The following CEACAM4 variants were observed in gnomAD, a reference collection of about 807,000 sequenced individuals.
CEACAM4 encodes CEA cell adhesion molecule 4.
Under a neutral mutation model 28.7 loss-of-function variants are expected in CEACAM4, and 30 were observed. The ratio of observed to expected loss-of-function variants is 1.05; its 90% CI spans 0.78 to 1.42. CEACAM4 has a LOEUF of 1.42. Among genes scored for constraint, CEACAM4 ranks in the 40% most tolerant of loss-of-function variants. CEACAM4 has a pLI of 0.00. For missense variants in CEACAM4, 330 were observed against 308.2 expected (o/e 1.07, Z -0.53); for synonymous variants, 143 against 126.5 (o/e 1.13, Z -0.87).
In CEACAM4 at chr19:41,620,262, T is replaced by C; in HGVS notation, c.596-20A>G. The C allele has an allele frequency of 1.4e-6, 2 of 1,447,776 alleles. No homozygotes were observed. The highest frequency in any genetic ancestry group is 1.5e-5 in the South Asian group (1 of 64,618). The allele number at this position is 1,447,776 out of a possible 1,614,324, so 89.7% of individuals were successfully genotyped here. A position where few individuals can be genotyped will look rare whatever the true frequency, so the allele number is the denominator to read the frequency against. On this transcript the variant is annotated intron_variant, in intron 4 of 6. Transcript: ENST00000221954. ...CATGGCCTGGGGACAGAGACAGGAGTGAGCAGCAGGGTGGGAGGAGAGCCT... is the reference window on the plus strand; with the variant it reads ...CATGGCCTGGGGACAGAGACAGGAGCGAGCAGCAGGGTGGGAGGAGAGCCT...
At chr19:41,619,471 C>G in intron 6 of CEACAM4, 76 bp from the exon 7 acceptor site, 1 of 1,589,102 alleles carries the variant, frequency 6.3e-7, no homozygotes, top group Non-Finnish European at 8.6e-7. Flanking sequence ...GGCTCTGGGC[C>G]CACCCAGGGC....
rs553718518 is a variant in CEACAM4, at chr19:41,619,794, G to T, written c.628-83C>A. ...GCCTGGAAGGTTCCTGTCTCTGATC[G>T]GCCAGGACTTACTTCCCTGCCTCCA... On this transcript the variant is annotated intron_variant, in intron 5 of 6. Transcript: ENST00000221954. 3.4e-6 allele frequency: 4 copies of T among 1,178,600 alleles called. No homozygotes were observed. In the East Asian group the frequency reaches 8.1e-5, roughly 24 times the overall value. 73.0% of individuals were successfully genotyped at this position (1,178,600 alleles called of 1,614,324 possible).
chr19:41,625,911 A>G lies in CEACAM4; in HGVS notation c.114T>C (p.Ile38=), dbSNP rs2071616938. 6 of 1,613,824 alleles carry G rather than the reference A, an allele frequency of 3.7e-6. No homozygotes were observed. The highest frequency in any genetic ancestry group is 5.1e-6 in the Non-Finnish European group (6 of 1,179,832). ...WHPPTTVQFT[I]EALPSSAAEG... is the part of the protein sequence containing the mutation. ...CTGCAGCACTGGACGGCAGGGCTTC[A>G]ATAGTGAACTGGACAGTGGTGGGCG... The change falls in exon 2 of 7, where the codon ATT becomes ATC. Residue 38 remains isoleucine, a synonymous_variant. Coordinates refer to ENST00000221954, the MANE Select transcript of CEACAM4 (RefSeq NM_001817.4).
intron 2 of CEACAM4, among the ~76,000 whole-genome samples, chr19:41,623,146 A>G (rs1486326526): frequency 1.3e-5 from 2 of 152,152 alleles, no homozygotes; most frequent in African/African-American, 2.4e-5. Context: ...CCTTCCGAGT[A>G]TCTAGGATTA....
At chr19:41,619,869 C>G (rs1437357148) in intron 5 of CEACAM4, among the ~76,000 whole-genome samples, 158 bp from the exon 6 acceptor site, 3 of 152,108 alleles carry the variant, frequency 2.0e-5, no homozygotes, top group African/African-American at 7.2e-5. Flanking sequence ...CTGAGCTCAG[C>G]CTCCCAGTGT....
chr19:41,619,636 C>T lies in CEACAM4; in HGVS notation c.669+34G>A, dbSNP rs1458034499. 5.1e-6 allele frequency: 8 copies of T among 1,580,888 alleles called. No homozygotes were observed. The African/African-American group carries it at 1.1e-4, about 21-fold the overall frequency. The stretch of plus-strand genomic sequence containing the variant: ...GGGCAGATCCTGGGTCCCCTGGAGC[C>T]TGCGGGACCAGAACATCCATGGCCC... On this transcript the variant is annotated intron_variant, in intron 6 of 6. Coordinates refer to ENST00000221954, the MANE Select transcript of CEACAM4 (RefSeq NM_001817.4).
chr19:41,624,990 T>G (rs1322119287), intron 2 of CEACAM4, among the ~76,000 whole-genome samples: 5 of 152,200 alleles, frequency 3.3e-5, no homozygotes, highest in African/African-American at 1.2e-4. Context: ...GGGCATCTCT[T>G]AAGCTCCTCA....
At chr19:41,621,791 G>C in intron 2 of CEACAM4, 23 bp from the exon 3 acceptor site, 2 of 1,409,000 alleles carry the variant, frequency 1.4e-6, no homozygotes, top group South Asian at 1.2e-5. Context: ...GAAGGCAAAG[G>C]GGACAAGGCC....
rs782130020 is a variant in CEACAM4 at position 41,626,950 on chromosome 19, G to GA, written c.13dup (p.Ser5PhefsTer35). ...CCTGTGCCCTCCACGGGGAGCGGCT[G>GA]AGGGGGGGCCCATGGTCTCTGCTGC... is the stretch of plus-strand genomic sequence containing the variant. On this transcript the variant is annotated frameshift_variant, in exon 1 of 7. Transcript: ENST00000221954. LOFTEE classifies it high-confidence loss of function. 1.2e-6 allele frequency: 2 copies of GA among 1,605,274 alleles called. No homozygotes were observed. Among genetic ancestry groups the GA allele is most frequent in the African/African-American group, 2.7e-5 (2 of 74,462 alleles).
chr19:41,620,000 G>T (rs1555800486), intron 5 of CEACAM4, among the ~76,000 whole-genome samples: 1 of 152,166 alleles, frequency 6.6e-6, no homozygotes, highest in Non-Finnish European at 1.5e-5. Context: ...TTCTCCTCAG[G>T]TGTAGAGGGT....
chr19:41,617,175 A>G (rs1040587913), downstream of CEACAM4, among the ~76,000 whole-genome samples: 4 of 152,138 alleles, frequency 2.6e-5, no homozygotes, highest in Admixed American at 2.6e-4. Flanking sequence ...GATGTCCATG[A>G]ACTATTGAAG....
intron 3 of CEACAM4, among the ~76,000 whole-genome samples, chr19:41,621,328 T>C (rs1207917121): frequency 2.0e-5 from 3 of 152,074 alleles, no homozygotes; most frequent in African/African-American, 7.2e-5. Context: ...GTAAATTCAA[T>C]GAACAGCAGA....
At chr19:41,621,854 C>T in intron 2 of CEACAM4, 86 bp from the exon 3 acceptor site, 1 of 775,034 alleles carries the variant, frequency 1.3e-6, no homozygotes. Context: ...GGGGCATAGT[C>T]AGGGAGGAAG....
intron 2 of CEACAM4, among the ~76,000 whole-genome samples, chr19:41,622,329 C>T (rs1333854304): frequency 5.9e-5 from 9 of 152,180 alleles, no homozygotes; most frequent in Non-Finnish European, 1.2e-4. Context: ...CTGCCCGCCT[C>T]GGCCTCCCAA....
chr19:41,624,442 A>C (rs375054683), intron 2 of CEACAM4, among the ~76,000 whole-genome samples: 19 of 152,316 alleles, frequency 1.2e-4, no homozygotes, highest in African/African-American at 4.1e-4. Context: ...GACCTGAGCG[A>C]GGAGGCCTGA....
chr19:41,622,009 C>G (rs1568652061), intron 2 of CEACAM4, among the ~76,000 whole-genome samples: 2 of 152,128 alleles, frequency 1.3e-5, no homozygotes, highest in African/African-American at 4.8e-5. Context: ...GTGCTTGCAC[C>G]TCGCCCTGCT....
chr19:41,623,757 T>C (rs782030284), intron 2 of CEACAM4, among the ~76,000 whole-genome samples: 6 of 152,084 alleles, frequency 3.9e-5, no homozygotes, highest in Non-Finnish European at 4.4e-5. Flanking sequence ...TGCTAACTAA[T>C]AACTATCTGA....
At chr19:41,622,854 A>ATAGG (rs2071385268) in intron 2 of CEACAM4, among the ~76,000 whole-genome samples, 1 of 51,806 alleles carries the variant, frequency 1.9e-5, no homozygotes, top group South Asian at 8.2e-4. Context: ...ATACATATAT[A>ATAGG]TAGATAGATA....
intron 4 of CEACAM4, 121 bp from the exon 5 acceptor site, chr19:41,620,363 G>A: frequency 9.9e-7 from 1 of 1,012,266 alleles, no homozygotes; most frequent in Middle Eastern, 2.1e-4. Context: ...TCCCAGGGGA[G>A]ACCTGAGCAG....
Sources: gnomAD v4.1 joint callset for allele counts (sites outside exome capture counted in the v4.1 genomes callset) on GRCh38, gnomAD v4.1.1 for gene constraint, MANE v1.5 for transcripts, NCBI Gene and HGNC (gene_info 2026-07-23, HGNC 2026-07-21) for gene names.